Variants in PCNX2 observed in about 807,000 individuals in gnomAD.
PCNX2 encodes pecanex 2.
In PCNX2, 168 loss-of-function variants were observed where a neutral mutation model predicts 223.8. That is an observed-to-expected ratio of 0.75 (90% CI 0.66 to 0.85). The LOEUF (loss-of-function observed/expected upper bound fraction) is 0.85. PCNX2 is among the 40% of genes least tolerant of loss of function. The pLI, the probability that PCNX2 is intolerant of heterozygous loss-of-function variation, is 0.00. For synonymous variants in PCNX2, 1,006 were observed against 1,052.6 expected (o/e 0.96, Z 0.86); for missense variants, 2,507 against 2,675.5 (o/e 0.94, Z 1.39).
chr1:233,181,111 G>A (rs1679772572), intron 15 of PCNX2: 1 of 151,774 alleles, frequency 6.6e-6, no homozygotes, highest in Non-Finnish European at 1.5e-5. Context: ...CTCCTTCCCT[G>A]AGCCCAACTC....
intron 21 of PCNX2, among the ~76,000 whole-genome samples, chr1:233,133,255 T>C (rs1414141217): frequency 6.6e-6 from 1 of 152,178 alleles, no homozygotes; most frequent in Non-Finnish European, 1.5e-5. Flanking sequence ...TAATTTCTAG[T>C]AACTTCACAA....
intron 21 of PCNX2, among the ~76,000 whole-genome samples, chr1:233,129,257 G>A (rs1174960125): frequency 3.9e-5 from 6 of 152,234 alleles, no homozygotes. Context: ...CGGGCCAGCA[G>A]CTGCAGAGGG....
At chr1:233,284,952 A>C in intron 1 of PCNX2, 3 of 985,236 alleles carry the variant, frequency 3.0e-6, no homozygotes, top group Non-Finnish European at 3.6e-6. Flanking sequence ...CAGTCAACCC[A>C]AAATGAAGAC....
At position 233,116,918 on chromosome 1, in the gene PCNX2, C is replaced by A. The variant is rs187770962; in HGVS notation, c.3837+18095G>T. Among the ~76,000 whole-genome samples the A allele has an allele frequency of 4.2e-3, 643 of 152,002 alleles. 7 individuals are homozygous for A. The highest frequency in any genetic ancestry group is 7.6e-3 in the Non-Finnish European group (514 of 67,940). On this transcript the variant is annotated intron_variant, in intron 21 of 33. Coordinates refer to ENST00000258229, the MANE Select transcript of PCNX2 (RefSeq NM_014801.4). ...CTAGAAAGACTGACAAAGAAAAACACAAATTAATAATATCAGGAGTGAAGC... is the reference window on the plus strand; with the variant it reads ...CTAGAAAGACTGACAAAGAAAAACAAAAATTAATAATATCAGGAGTGAAGC...
chr1:233,088,839 C>T (rs78665412), intron 23 of PCNX2, among the ~76,000 whole-genome samples: 1,651 of 152,308 alleles, frequency 0.011, 27 homozygotes, highest in African/African-American at 0.038. Flanking sequence ...CATCCTAGCT[C>T]AGGCCCACGT....
At chr1:233,294,033 G>A in intron 1 of PCNX2, 1 of 969,428 alleles carries the variant, frequency 1.0e-6, no homozygotes, top group Non-Finnish European at 1.2e-6. Flanking sequence ...TGTATTTAAT[G>A]CTTTTTATAT....
chr1:233,257,376 C>G (rs1659793041), intron 5 of PCNX2, among the ~76,000 whole-genome samples: 1 of 152,140 alleles, frequency 6.6e-6, no homozygotes, highest in African/African-American at 2.4e-5. Context: ...ATGAGAGTAA[C>G]TGTATAATTT....
intron 1 of PCNX2, among the ~76,000 whole-genome samples, chr1:233,280,202 C>A (rs1661119639): frequency 1.3e-5 from 2 of 152,100 alleles, no homozygotes; most frequent in South Asian, 4.1e-4. Context: ...TTCTAGTCAT[C>A]TGCTATAACA....
intron 1 of PCNX2, among the ~76,000 whole-genome samples, chr1:233,287,097 G>A (rs1164486673): frequency 1.3e-5 from 2 of 152,106 alleles, no homozygotes; most frequent in Non-Finnish European, 2.9e-5. Context: ...AAGGAACAGT[G>A]GAAGACAAAT....
At chr1:233,167,399 ATGGGCATGGGGG>A (rs1678864153) in intron 17 of PCNX2, among the ~76,000 whole-genome samples, 1 of 152,158 alleles carries the variant, frequency 6.6e-6, no homozygotes, top group South Asian at 2.1e-4. Flanking sequence ...AGTAGTTAAC[ATGGGCATGGGGG>A]AGGTAGAGAT....
chr1:233,009,543 T>C (rs1670393508), intron 28 of PCNX2, among the ~76,000 whole-genome samples: 2 of 152,230 alleles, frequency 1.3e-5, no homozygotes, highest in Non-Finnish European at 2.9e-5. Flanking sequence ...TTAACAGCAA[T>C]AGTTCTCTGC....
chr1:233,185,487 G>C (rs1291876137), intron 15 of PCNX2, among the ~76,000 whole-genome samples: 1 of 152,058 alleles, frequency 6.6e-6, no homozygotes, highest in Non-Finnish European at 1.5e-5. Flanking sequence ...AAAAAGGTTA[G>C]GATGTTTTAA....
At chr1:233,296,205 C>T (rs1330337913), upstream of PCNX2, among the ~76,000 whole-genome samples, 1 of 152,102 alleles carries the variant, frequency 6.6e-6, no homozygotes, top group Non-Finnish European at 1.5e-5. Context: ...GCACTTCCTG[C>T]ACGACTTCAT....
chr1:233,045,371 C>T (rs924472392), intron 25 of PCNX2, among the ~76,000 whole-genome samples: 3 of 152,330 alleles, frequency 2.0e-5, no homozygotes, highest in East Asian at 3.9e-4. Context: ...CTAGGAAATA[C>T]GTGGAGCTTC....
intron 25 of PCNX2, among the ~76,000 whole-genome samples, chr1:233,043,067 G>A (rs1219084714): frequency 6.6e-6 from 1 of 152,118 alleles, no homozygotes; most frequent in Non-Finnish European, 1.5e-5. Context: ...TCCCTCCAAC[G>A]CCTTCTGCTT....
intron 22 of PCNX2, among the ~76,000 whole-genome samples, chr1:233,092,908 C>T (rs964276717): frequency 6.6e-6 from 1 of 152,200 alleles, no homozygotes; most frequent in African/African-American, 2.4e-5. Flanking sequence ...AAGCGATTCT[C>T]TTGCCTCAGC....
At chr1:233,246,892 G>C (rs1558387845) in intron 8 of PCNX2, among the ~76,000 whole-genome samples, 1 of 152,182 alleles carries the variant, frequency 6.6e-6, no homozygotes, top group Non-Finnish European at 1.5e-5. Flanking sequence ...TTCTTATTCT[G>C]CTTTCTGAGA....
At position 233,038,594 on chromosome 1, in the gene PCNX2, A is replaced by T. The variant is rs552647696; in HGVS notation, c.4352-13195T>A. ...CGTGGTCAGGGATTCTGAATGGAGA[A>T]CTCATTATTGTATGGGTAAGTTTGG... is the stretch of plus-strand genomic sequence containing the variant. On this transcript the variant is annotated intron_variant, in intron 25 of 33. Coordinates refer to ENST00000258229, the MANE Select transcript of PCNX2 (RefSeq NM_014801.4). 2.6e-5 allele frequency among the ~76,000 whole-genome samples: 4 copies of T among 152,264 alleles called. No homozygotes were observed. In the East Asian group the frequency reaches 7.7e-4, roughly 29 times the overall value.
intron 8 of PCNX2, among the ~76,000 whole-genome samples, chr1:233,244,894 T>G (rs1427261326): frequency 6.6e-6 from 1 of 152,232 alleles, no homozygotes; most frequent in Non-Finnish European, 1.5e-5. Flanking sequence ...TCTGGCAAAC[T>G]GCTAGTGCTT....
Sources: allele counts gnomAD v4.1 joint callset (sites outside exome capture counted in the v4.1 genomes callset), GRCh38; gene constraint gnomAD v4.1.1; transcripts MANE v1.5; gene names NCBI Gene and HGNC (gene_info 2026-07-23, HGNC 2026-07-21).